Variants in PDK3 observed in about 807,000 individuals in gnomAD.
PDK3 encodes the protein pyruvate dehydrogenase kinase, isozyme 3.
PDK3 carries 12 observed loss-of-function variants against 32.0 expected under a neutral mutation model. The ratio of observed to expected loss-of-function variants is 0.37; its 90% CI spans 0.24 to 0.61. PDK3 has a LOEUF of 0.61. Ranked by LOEUF, PDK3 falls within the 20% of genes least tolerant of loss-of-function variation. The pLI is 0.65. For synonymous variants in PDK3, 122 were observed against 116.3 expected (o/e 1.05, Z -0.31); for missense variants, 188 against 316.9 (o/e 0.59, Z 3.09).
intron 1 of PDK3, among the ~76,000 whole-genome samples, chrX:24,470,284 G>A (rs1179244207): frequency 8.9e-6 from 1 of 112,312 alleles, no homozygotes; most frequent in Admixed American, 9.5e-5. Context: ...GTTTAAGCCT[G>A]TATGTTTTGG....
intron 1 of PDK3, among the ~76,000 whole-genome samples, chrX:24,485,119 T>A (rs887485040): frequency 1.3e-4 from 14 of 111,888 alleles, no homozygotes; most frequent in Non-Finnish European, 3.8e-5. Context: ...AGGCTCAGGC[T>A]GGTGGATCAC....
At chrX:24,513,563 C>T (rs779259651) in intron 5 of PDK3, 4 of 126,530 alleles carry the variant, frequency 3.2e-5, no homozygotes, top group South Asian at 3.0e-4. Flanking sequence ...TTGGTTTTGA[C>T]GAGTCTGTGA....
intron 1 of PDK3, among the ~76,000 whole-genome samples, chrX:24,472,276 G>A: frequency 8.9e-6 from 1 of 112,126 alleles, no homozygotes; most frequent in Middle Eastern, 4.7e-3. Flanking sequence ...CACTTGAAAT[G>A]TGGCTAGTGT....
At chrX:24,497,753 T>C (rs1348975500) in intron 2 of PDK3, among the ~76,000 whole-genome samples, 1 of 112,550 alleles carries the variant, frequency 8.9e-6, no homozygotes, top group Admixed American at 9.4e-5. Flanking sequence ...TATCCAAAGG[T>C]GTAGATAATA....
chrX:24,523,258 T>C (rs1462051173), intron 6 of PDK3, among the ~76,000 whole-genome samples: 1 of 112,366 alleles, frequency 8.9e-6, no homozygotes, highest in Non-Finnish European at 1.9e-5. Flanking sequence ...TCTGCCCTCA[T>C]AACCTAATCA....
At chrX:24,508,248 A>C in intron 5 of PDK3, among the ~76,000 whole-genome samples, 1 of 110,541 alleles carries the variant, frequency 9.0e-6, no homozygotes, top group East Asian at 2.8e-4. Context: ...TTAAACAACC[A>C]GATCTCGTGG....
At chrX:24,529,758 C>CAAA (rs535951847) in intron 9 of PDK3, among the ~76,000 whole-genome samples, 1 of 50,528 alleles carries the variant, frequency 2.0e-5, no homozygotes. Context: ...GGCTCTGCCT[C>CAAA]AAAAAAAAAA....
At chrX:24,483,839 G>A (rs1026663135) in intron 1 of PDK3, among the ~76,000 whole-genome samples, 4 of 109,508 alleles carry the variant, frequency 3.7e-5, no homozygotes, top group African/African-American at 1.3e-4. Context: ...CTCAGCCTCC[G>A]AGTACCTGGG....
intron 6 of PDK3, among the ~76,000 whole-genome samples, chrX:24,522,119 G>A (rs1361996055): frequency 1.8e-5 from 2 of 111,796 alleles, no homozygotes; most frequent in Non-Finnish European, 3.8e-5. Flanking sequence ...TCAACTAATG[G>A]CATTTGGAGC....
At chrX:24,508,880 T>C (rs1359094950) in intron 5 of PDK3, among the ~76,000 whole-genome samples, 1 of 110,748 alleles carries the variant, frequency 9.0e-6, no homozygotes, top group African/African-American at 3.3e-5. Flanking sequence ...GCCCGGCTAA[T>C]TTTTGTATTT....
At chrX:24,535,920 AGAAAAGAAGGAAGGAAAGGAAG>A (rs1273797308), downstream of PDK3, among the ~76,000 whole-genome samples, 54 of 105,831 alleles carry the variant, frequency 5.1e-4, no homozygotes, top group South Asian at 1.3e-3. Context: ...AAAAAAAGAA[AGAAAAGAAGGAAGGAAAGGAAG>A]GAAAAGAAGG....
chrX:24,517,138 G>C (rs1922275503), intron 5 of PDK3, among the ~76,000 whole-genome samples: 2 of 111,403 alleles, frequency 1.8e-5, no homozygotes, highest in Non-Finnish European at 3.8e-5. Flanking sequence ...TATGGCATAA[G>C]AATTATCTCC....
chrX:24,514,068 A>G (rs1442638341), intron 5 of PDK3, among the ~76,000 whole-genome samples: 5 of 111,971 alleles, frequency 4.5e-5, no homozygotes, highest in African/African-American at 1.6e-4. Flanking sequence ...AAATGATTGC[A>G]TGCATTCAAG....
intron 2 of PDK3, among the ~76,000 whole-genome samples, chrX:24,498,500 T>C (rs958200177): frequency 2.7e-5 from 3 of 112,404 alleles, no homozygotes; most frequent in African/African-American, 9.7e-5. Flanking sequence ...TCTGTCATTT[T>C]ACTGGCCTGA....
chrX:24,517,381 C>A (rs770333943), intron 5 of PDK3, among the ~76,000 whole-genome samples: 11 of 110,653 alleles, frequency 9.9e-5, no homozygotes, highest in Non-Finnish European at 1.3e-4. Context: ...CACCACCATG[C>A]CTGGCTAATT....
intron 1 of PDK3, among the ~76,000 whole-genome samples, chrX:24,491,882 AC>A (rs1291792332): frequency 1.8e-5 from 2 of 111,104 alleles, no homozygotes; most frequent in Non-Finnish European, 3.8e-5. Context: ...GTGGTAGTAA[AC>A]CGTGATTGTA....
chrX:24,497,229 A>G (rs1161063586), intron 2 of PDK3, among the ~76,000 whole-genome samples: 2 of 111,676 alleles, frequency 1.8e-5, no homozygotes, highest in African/African-American at 6.5e-5. Flanking sequence ...TTTTGACCCA[A>G]TGATTTTAAC....
At chrX:24,483,001 T>C (rs1048485774) in intron 1 of PDK3, among the ~76,000 whole-genome samples, 3 of 112,699 alleles carry the variant, frequency 2.7e-5, no homozygotes, top group Admixed American at 1.9e-4. Flanking sequence ...TATGAGAAGT[T>C]AGTGACACAG....
rs766731387 is a variant in PDK3 at position 24,493,026 on chromosome X, T to C, written c.107-1716T>C. Among the ~76,000 whole-genome samples, 7 of 110,310 alleles carry C rather than the reference T, an allele frequency of 6.3e-5. No homozygotes were observed. In the South Asian group the frequency reaches 2.7e-3, roughly 43 times the overall value. On this transcript the variant is annotated intron_variant, in intron 1 of 10. Transcript: ENST00000379162. ...AAAAAAAAAAAAATGACCAGAGTCA[T>C]TTTAAATGTTAATTGCCTAAGGCCA...
Sources: allele counts gnomAD v4.1 joint callset (sites outside exome capture counted in the v4.1 genomes callset), GRCh38; gene constraint gnomAD v4.1.1; transcripts MANE v1.5; gene names NCBI Gene and HGNC (gene_info 2026-07-23, HGNC 2026-07-21).